The following B3GALT1 variants were observed in gnomAD, a reference collection of about 807,000 sequenced individuals.
The protein encoded by B3GALT1 is beta-1,3-galactosyltransferase 1.
Under a neutral mutation model 23.2 loss-of-function variants are expected in B3GALT1, and 10 were observed. The observed-to-expected ratio is 0.43, with a 90% CI of 0.27 to 0.73. B3GALT1 has a LOEUF of 0.73. B3GALT1 is among the 30% of genes least tolerant of loss of function. The probability of loss-of-function intolerance (pLI) is 0.21; values close to 1 mark genes in which losing one functional copy is unlikely to be tolerated. For synonymous variants in B3GALT1, 156 were observed against 141.5 expected (o/e 1.10, Z -0.73); for missense variants, 299 against 405.4 (o/e 0.74, Z 2.25).
intron 1 of B3GALT1, among the ~76,000 whole-genome samples, chr2:167,410,014 C>T (rs1239158731): frequency 6.6e-6 from 1 of 152,090 alleles, no homozygotes; most frequent in African/African-American, 2.4e-5. Context: ...ATAGCAAAGA[C>T]TTGGAACCAT....
chr2:167,490,647 T>C (rs1194551650), intron 2 of B3GALT1, among the ~76,000 whole-genome samples: 2 of 152,210 alleles, frequency 1.3e-5, no homozygotes, highest in Non-Finnish European at 2.9e-5. Context: ...CAAGCAGAGA[T>C]GACTGGCACT....
chr2:167,688,740 A>G (rs1039167620), intron 3 of B3GALT1, among the ~76,000 whole-genome samples: 2 of 152,164 alleles, frequency 1.3e-5, no homozygotes, highest in African/African-American at 2.4e-5. Context: ...AAAAGCATTC[A>G]AATAAATAAT....
chr2:167,571,880 C>T (rs1260248153), intron 2 of B3GALT1, among the ~76,000 whole-genome samples: 1 of 151,630 alleles, frequency 6.6e-6, no homozygotes, highest in Non-Finnish European at 1.5e-5. Flanking sequence ...GAAATTATAA[C>T]TATGGAAACA....
intron 4 of B3GALT1, among the ~76,000 whole-genome samples, chr2:167,845,716 G>C (rs560920195): frequency 6.8e-5 from 10 of 147,386 alleles, no homozygotes; most frequent in African/African-American, 2.6e-4. Flanking sequence ...CCACCCCCCC[G>C]CAACAACAAA....
intron 2 of B3GALT1, among the ~76,000 whole-genome samples, chr2:167,538,403 A>T (rs1002659151): frequency 3.3e-5 from 5 of 152,216 alleles, no homozygotes; most frequent in African/African-American, 1.2e-4. Flanking sequence ...TTATGTGTAT[A>T]TCTATATTTA....
intron 3 of B3GALT1, among the ~76,000 whole-genome samples, chr2:167,760,431 G>A (rs1016142681): frequency 2.6e-5 from 4 of 152,072 alleles, no homozygotes; most frequent in African/African-American, 7.2e-5. Flanking sequence ...GAATGAAGAC[G>A]CCGGATGTCA....
At chr2:167,863,074 C>T (rs1209424674) in intron 4 of B3GALT1, among the ~76,000 whole-genome samples, 4 of 152,124 alleles carry the variant, frequency 2.6e-5, no homozygotes, top group Non-Finnish European at 5.9e-5. Flanking sequence ...TTCTATTTTA[C>T]TGATACACTA....
At chr2:167,330,449 A>T (rs1449522462) in intron 1 of B3GALT1, among the ~76,000 whole-genome samples, 1 of 152,180 alleles carries the variant, frequency 6.6e-6, no homozygotes, top group East Asian at 1.9e-4. Context: ...TCTACAAAAA[A>T]TATTTTAAAA....
chr2:167,620,180 A>G (rs1193099064), intron 2 of B3GALT1, among the ~76,000 whole-genome samples: 1 of 152,090 alleles, frequency 6.6e-6, no homozygotes, highest in Non-Finnish European at 1.5e-5. Flanking sequence ...AGGGCATTGC[A>G]GTGTGTAGGT....
chr2:167,352,210 G>A (rs867856150), intron 1 of B3GALT1, among the ~76,000 whole-genome samples: 5 of 145,070 alleles, frequency 3.4e-5, no homozygotes, highest in East Asian at 2.0e-4. Context: ...CTCGTGATCC[G>A]CCCACCTCGA....
chr2:167,349,978 C>A (rs979836052), intron 1 of B3GALT1, among the ~76,000 whole-genome samples: 1 of 152,080 alleles, frequency 6.6e-6, no homozygotes, highest in Non-Finnish European at 1.5e-5. Context: ...AATGGAACTC[C>A]AGTTATAAAA....
chr2:167,515,617 ATTGT>A (rs1168550865), intron 2 of B3GALT1, among the ~76,000 whole-genome samples: 1 of 152,010 alleles, frequency 6.6e-6, no homozygotes, highest in Non-Finnish European at 1.5e-5. Context: ...CACTTCCATT[ATTGT>A]TTGTCAGTAT....
At position 167,569,865 on chromosome 2, in the gene B3GALT1, A is replaced by T. The variant is rs555178607; in HGVS notation, c.-409-77044A>T. Among the ~76,000 whole-genome samples, 6 of 152,054 alleles carry T rather than the reference A, an allele frequency of 3.9e-5. No homozygotes were observed. In the South Asian group the frequency reaches 1.2e-3, roughly 31 times the overall value. ...TACTAGTTTACTGAGAGTTTTTATC[A>T]TGAATGGGTGTTGAATTATGTCAAA... On this transcript the variant is annotated intron_variant, in intron 2 of 4. Coordinates refer to ENST00000392690, the MANE Select transcript of B3GALT1 (RefSeq NM_020981.4).
At chr2:167,345,970 C>G (rs889206010) in intron 1 of B3GALT1, among the ~76,000 whole-genome samples, 1 of 151,414 alleles carries the variant, frequency 6.6e-6, no homozygotes, top group East Asian at 1.9e-4. Flanking sequence ...TTTTTTCCAG[C>G]TTACTTTAGC....
rs1285323244 is a variant in B3GALT1, at chr2:167,445,041, T to A, written c.-510-45136T>A. On this transcript the variant is annotated intron_variant, in intron 1 of 4. Coordinates refer to ENST00000392690, the MANE Select transcript of B3GALT1 (RefSeq NM_020981.4). ...CCCTCTACACACTGCTTTAAATGTG[T>A]CCCAGAGATTCTGGTATGTTGTGTC... 2.0e-5 allele frequency among the ~76,000 whole-genome samples: 3 copies of A among 152,230 alleles called. No homozygotes were observed. In the East Asian group the frequency reaches 5.8e-4, roughly 29 times the overall value.
At chr2:167,708,530 G>A (rs748989631) in intron 3 of B3GALT1, among the ~76,000 whole-genome samples, 9 of 152,114 alleles carry the variant, frequency 5.9e-5, no homozygotes, top group East Asian at 1.9e-4. Context: ...GCACAGTGGC[G>A]CATGCCTGTA....
intron 3 of B3GALT1, among the ~76,000 whole-genome samples, chr2:167,668,022 C>G (rs2105479995): frequency 6.6e-6 from 1 of 152,326 alleles, no homozygotes; most frequent in South Asian, 2.1e-4. Context: ...AGGAGAGGCG[C>G]TCTGCTTTTT....
intron 1 of B3GALT1, among the ~76,000 whole-genome samples, chr2:167,342,609 A>G (rs1052084541): frequency 2.0e-5 from 3 of 151,972 alleles, no homozygotes; most frequent in African/African-American, 7.2e-5. Context: ...AAAAGAAAAA[A>G]AAACAAAACC....
chr2:167,686,957 A>C (rs1341299892), intron 3 of B3GALT1, among the ~76,000 whole-genome samples: 1 of 152,168 alleles, frequency 6.6e-6, no homozygotes, highest in African/African-American at 2.4e-5. Context: ...ATCCAGAGAG[A>C]CATTTCTTAA....
Sources: allele counts gnomAD v4.1 joint callset (sites outside exome capture counted in the v4.1 genomes callset), GRCh38; gene constraint gnomAD v4.1.1; transcripts MANE v1.5; gene names NCBI Gene and HGNC (gene_info 2026-07-23, HGNC 2026-07-21).